Variants in GTF2B observed in about 807,000 individuals in gnomAD.
GTF2B encodes transcription initiation factor IIB.
Under a neutral mutation model 34.6 loss-of-function variants are expected in GTF2B, and 20 were observed. The observed-to-expected ratio is 0.58, with a 90% confidence interval of 0.41 to 0.84. The LOEUF is 0.84. GTF2B is among the 40% of genes least tolerant of loss of function. The probability of loss-of-function intolerance (pLI) is 0.00; values close to 1 mark genes in which losing one functional copy is unlikely to be tolerated. For synonymous variants in GTF2B, 142 were observed against 132.4 expected, an observed-to-expected ratio of 1.07 and a Z score of -0.50; for missense variants, 237 against 393.3, an observed-to-expected ratio of 0.60 and a Z score of 3.36.
intron 2 of GTF2B, among the ~76,000 whole-genome samples, chr1:88,866,955 G>C (rs1673573499): frequency 6.6e-6 from 1 of 152,162 alleles, no homozygotes; most frequent in Non-Finnish European, 1.5e-5. Context: ...GCATTACAAG[G>C]ATTTATCTGT....
intron 2 of GTF2B, among the ~76,000 whole-genome samples, chr1:88,872,973 C>T (rs1050068575): frequency 1.3e-5 from 2 of 152,000 alleles, no homozygotes; most frequent in East Asian, 1.9e-4. Flanking sequence ...CCATAGGATC[C>T]CTGTTTCTCT....
chr1:88,859,898 A>C lies in GTF2B; in HGVS notation c.519T>G (p.Val173=). The change falls in exon 5 of 7, where the codon GTT becomes GTG. Residue 173 remains valine, a synonymous_variant. Coordinates refer to ENST00000370500, the MANE Select transcript of GTF2B (RefSeq NM_001514.6). ...CLYIACRQEG[V]PRTFKEICAV... ...AAAACTTACCTTTAAATGTCCTAGG[A>C]ACCCCTTCTTGTCTACAGGCAATAT... The C allele has an allele frequency of 6.2e-7, 1 of 1,613,344 alleles. No homozygotes were observed. The highest frequency in any genetic ancestry group is 8.5e-7 in the Non-Finnish European group (1 of 1,179,582).
chr1:88,875,871 T>G (rs1570730991), intron 2 of GTF2B, among the ~76,000 whole-genome samples: 1 of 152,000 alleles, frequency 6.6e-6, no homozygotes, highest in South Asian at 2.1e-4. Flanking sequence ...TAAAAAAAGG[T>G]TTTTAAGTCC....
Position 88,857,477 on chromosome 1 carries a change from G to A in GTF2B, c.546C>T (p.Ala182=), listed in dbSNP as rs774544326. The change falls in exon 6 of 7, where the codon GCC becomes GCT. Residue 182 remains alanine (A), a synonymous_variant. Transcript: ENST00000370500. The part of the protein sequence containing the change: ...GVPRTFKEIC[A]VSRISKKEIG... ...TTTCTTTCTTAGAAATTCGTGATAC[G>A]GCACATATTTCTAAAAGAAAAAAAA... 7.0e-6 allele frequency: 11 copies of A among 1,561,124 alleles called. No homozygotes were observed. The highest frequency in any genetic ancestry group is 2.7e-5 in the African/African-American group (2 of 73,390).
chr1:88,872,893 T>C (rs1319891596), intron 2 of GTF2B, among the ~76,000 whole-genome samples: 1 of 152,228 alleles, frequency 6.6e-6, no homozygotes, highest in South Asian at 2.1e-4. Flanking sequence ...TTTAGCGCAC[T>C]GATCACATTG....
At chr1:88,860,043 C>T (rs968817354) in intron 4 of GTF2B, 32 bp from the exon 5 acceptor site, 29 of 1,611,186 alleles carry the variant, frequency 1.8e-5, no homozygotes, top group Admixed American at 6.7e-5. Flanking sequence ...TTTAACTCTA[C>T]GTCATTTAAT....
chr1:88,873,902 T>C (rs1570729438), intron 2 of GTF2B, among the ~76,000 whole-genome samples: 1 of 152,126 alleles, frequency 6.6e-6, no homozygotes. Flanking sequence ...GCCACATACA[T>C]GCCCATGTAA....
chr1:88,855,228 C>G (rs985910509), intron 6 of GTF2B, among the ~76,000 whole-genome samples: 3 of 152,222 alleles, frequency 2.0e-5, no homozygotes, highest in Admixed American at 1.3e-4. Context: ...CTTCAAATAA[C>G]TAATGATTGG....
chr1:88,856,215 C>CTGAGAT (rs897276611), intron 6 of GTF2B, among the ~76,000 whole-genome samples: 5 of 127,424 alleles, frequency 3.9e-5, no homozygotes, highest in Non-Finnish European at 6.3e-5. Flanking sequence ...TTGCAGTAAG[C>CTGAGAT]TGAGATTGTG....
intron 6 of GTF2B, among the ~76,000 whole-genome samples, chr1:88,853,561 T>C (rs1277088529): frequency 1.3e-5 from 2 of 152,082 alleles, no homozygotes; most frequent in African/African-American, 4.8e-5. Context: ...TCCCAGCACT[T>C]TGGGAGGCCG....
chr1:88,877,810 T>C (rs950003023), intron 2 of GTF2B, among the ~76,000 whole-genome samples: 1 of 152,150 alleles, frequency 6.6e-6, no homozygotes, highest in Admixed American at 6.5e-5. Context: ...TGGTCACCTG[T>C]AATCCCACTA....
At chr1:88,873,182 GTTTTTT>G (rs869087763) in intron 2 of GTF2B, among the ~76,000 whole-genome samples, 3 of 100,448 alleles carry the variant, frequency 3.0e-5, no homozygotes, top group African/African-American at 4.1e-5. Context: ...ATTCCATTAA[GTTTTTT>G]TTTTTTTTTT....
chr1:88,874,497 ATTTTTTTTT>A (rs56331310), intron 2 of GTF2B, among the ~76,000 whole-genome samples: 3 of 83,576 alleles, frequency 3.6e-5, no homozygotes, highest in Non-Finnish European at 7.0e-5. Context: ...AGCTAATTAA[ATTTTTTTTT>A]TTTTTTTTTT....
At position 88,857,076 on chromosome 1, in the gene GTF2B, T is replaced by C. The variant is rs999942830; in HGVS notation, c.817+130A>G. On this transcript the variant is annotated intron_variant, in intron 6 of 6. Transcript: ENST00000370500. Reference sequence around the variant, plus strand: ...TCGGCCTTCCAAAGTGCTGAGATTATAGGTGTGAGCCCCCGCGCCTGGTCA... The same window carrying C: ...TCGGCCTTCCAAAGTGCTGAGATTACAGGTGTGAGCCCCCGCGCCTGGTCA... 7.5e-5 allele frequency: 59 copies of C among 784,922 alleles called. 1 individual carries two copies. In the East Asian group the frequency reaches 1.3e-3, roughly 17 times the overall value. The allele number at this position is 784,922 out of a possible 1,614,324, so 48.6% of individuals were successfully genotyped here. A position where few individuals can be genotyped will look rare whatever the true frequency, so the allele number is the denominator to read the frequency against.
intron 2 of GTF2B, among the ~76,000 whole-genome samples, chr1:88,867,251 CTG>C (rs1444600030): frequency 6.6e-6 from 1 of 152,172 alleles, no homozygotes; most frequent in Non-Finnish European, 1.5e-5. Context: ...CATATATGCT[CTG>C]TGTTTTTCGT....
Position 88,880,838 on chromosome 1 carries a change from G to A in GTF2B, c.124+6423C>T, listed in dbSNP as rs553367590. 5.3e-4 allele frequency among the ~76,000 whole-genome samples: 80 copies of A among 151,966 alleles called. No homozygotes were observed. The Middle Eastern group carries it at 0.014, about 26-fold the overall frequency. On this transcript the variant is annotated intron_variant, in intron 2 of 6. Transcript: ENST00000370500. ...AGCCCGGCCAACATGGGGAAACCCC[G>A]TCTTTCCTAAAATAACAAAAATTAG...
chr1:88,866,117 T>A (rs543854122), intron 2 of GTF2B, among the ~76,000 whole-genome samples: 1 of 152,274 alleles, frequency 6.6e-6, no homozygotes, highest in South Asian at 2.1e-4. Context: ...ATCTTAGCAC[T>A]TTGGGAGGCT....
chr1:88,881,008 CAAAAAA>C lies in GTF2B; in HGVS notation c.124+6247_124+6252del, dbSNP rs57528139. On this transcript the variant is annotated intron_variant, in intron 2 of 6. Transcript: ENST00000370500. ...TGGGTGACAGAGCGAGATGCTGTCT[CAAAAAA>C]AAAAAAAAAAAAAGAACTAGTAAGT... Among the ~76,000 whole-genome samples, 4 of 92,784 alleles carry C rather than the reference CAAAAAA, an allele frequency of 4.3e-5. No homozygotes were observed. The East Asian group carries it at 1.2e-3, about 28-fold the overall frequency. 60.9% of individuals were successfully genotyped at this position (92,784 alleles called of 152,430 possible). A position where few individuals can be genotyped will look rare whatever the true frequency, so the allele number is the denominator to read the frequency against.
chr1:88,857,478 G>A lies in GTF2B; in HGVS notation c.545C>T (p.Ala182Val). 1 of 1,558,348 alleles carries A rather than the reference G, an allele frequency of 6.4e-7. No homozygotes were observed. The highest frequency in any genetic ancestry group is 8.8e-7 in the Non-Finnish European group (1 of 1,134,052). ...GVPRTFKEIC[A>V]VSRISKKEIG... ...TTCTTTCTTAGAAATTCGTGATACG[G>A]CACATATTTCTAAAAGAAAAAAAAT... Residue 182 changes from alanine to valine, a missense_variant, in exon 6 of 7, where the codon GCC (alanine) becomes GTC (valine). Coordinates refer to ENST00000370500, the MANE Select transcript of GTF2B (RefSeq NM_001514.6).
Sources: allele counts gnomAD v4.1 joint callset (sites outside exome capture counted in the v4.1 genomes callset), GRCh38; gene constraint gnomAD v4.1.1; transcripts MANE v1.5; gene names NCBI Gene and HGNC (gene_info 2026-07-23, HGNC 2026-07-21).